XRN2: variants seen among roughly 807,000 people sequenced by gnomAD.
XRN2 encodes the protein 5'-3' exoribonuclease 2.
XRN2 carries 44 observed loss-of-function variants against 138.5 expected under a neutral mutation model. The observed-to-expected ratio is 0.32, with a 90% CI of 0.25 to 0.41. The LOEUF is 0.41. XRN2 is among the 10% of genes least tolerant of loss of function. The pLI is 1.00. For synonymous variants in XRN2, 354 were observed against 369.4 expected (o/e 0.96, Z 0.48); for missense variants, 937 against 1,169.3 (o/e 0.80, Z 2.90).
chr20:21,320,018 T>A (rs2038015392), intron 1 of XRN2, among the ~76,000 whole-genome samples: 1 of 152,174 alleles, frequency 6.6e-6, no homozygotes, highest in Admixed American at 6.5e-5. Flanking sequence ...AGTCACTTGC[T>A]TTAGTAACTT....
intron 1 of XRN2, among the ~76,000 whole-genome samples, chr20:21,304,380 T>C (rs2037785824): frequency 1.3e-5 from 2 of 152,002 alleles, no homozygotes; most frequent in Admixed American, 6.6e-5. Context: ...TCTTGGCTTC[T>C]ATCCAAGGAG....
At chr20:21,346,681 G>A (rs763401758) in intron 17 of XRN2, 131 bp downstream of exon 17, 33 of 1,137,198 alleles carry the variant, frequency 2.9e-5, no homozygotes, top group Non-Finnish European at 3.7e-5. Context: ...GGGCAATGGC[G>A]TGATCTCAAC....
intron 24 of XRN2, among the ~76,000 whole-genome samples, chr20:21,359,011 C>T (rs1361041266): frequency 6.6e-6 from 1 of 152,174 alleles, no homozygotes; most frequent in Admixed American, 6.5e-5. Context: ...GCTTGTGCTT[C>T]TCAATTTTTC....
intron 27 of XRN2, among the ~76,000 whole-genome samples, chr20:21,369,780 A>G (rs568269499): frequency 2.0e-5 from 3 of 152,114 alleles, no homozygotes; most frequent in Admixed American, 1.3e-4. Context: ...ACTCTTGTCA[A>G]ATGGATAGTT....
chr20:21,371,293 C>T (rs1473276732), intron 27 of XRN2, among the ~76,000 whole-genome samples: 4 of 152,174 alleles, frequency 2.6e-5, no homozygotes, highest in African/African-American at 7.2e-5. Context: ...TCAGGGCCCT[C>T]TGTTTTTAGT....
intron 27 of XRN2, among the ~76,000 whole-genome samples, chr20:21,378,541 A>G (rs1399815154): frequency 6.6e-6 from 1 of 152,212 alleles, no homozygotes; most frequent in African/African-American, 2.4e-5. Context: ...GGATAAGAAT[A>G]TTTACCTGAC....
intron 14 of XRN2, 42 bp from the exon 15 acceptor site, chr20:21,340,679 G>T: frequency 6.3e-7 from 1 of 1,598,174 alleles, no homozygotes; most frequent in Admixed American, 1.7e-5. Context: ...TAACTGTGTT[G>T]TGATTTAATT....
chr20:21,375,908 G>A (rs987229901), intron 27 of XRN2, among the ~76,000 whole-genome samples: 14 of 151,392 alleles, frequency 9.2e-5, no homozygotes, highest in Non-Finnish European at 1.8e-4. Context: ...GCGCAATCTC[G>A]GCTCACTGCA....
At chr20:21,378,173 C>T (rs2038846614) in intron 27 of XRN2, among the ~76,000 whole-genome samples, 1 of 152,178 alleles carries the variant, frequency 6.6e-6, no homozygotes, top group Non-Finnish European at 1.5e-5. Context: ...TAGATGCTTA[C>T]AACTAAAATG....
At chr20:21,329,355 A>C (rs571625331) in intron 4 of XRN2, among the ~76,000 whole-genome samples, 1 of 152,284 alleles carries the variant, frequency 6.6e-6, no homozygotes, top group East Asian at 1.9e-4. Context: ...GTTCTCTCCT[A>C]CCACACCTGT....
chr20:21,331,957 T>G, intron 8 of XRN2, 139 bp downstream of exon 8: 4 of 919,524 alleles, frequency 4.4e-6, no homozygotes, highest in Non-Finnish European at 6.8e-6. Context: ...AGGGAACTAG[T>G]ATTGAGTTGC....
At chr20:21,320,620 G>A (rs1038822967) in intron 1 of XRN2, among the ~76,000 whole-genome samples, 1 of 150,090 alleles carries the variant, frequency 6.7e-6, no homozygotes. Flanking sequence ...TTTTTGAGAT[G>A]GAGTCTTGCT....
In XRN2 at chr20:21,368,091, T is replaced by C. The variant is rs187077141; in HGVS notation, c.2457-372T>C. Among the ~76,000 whole-genome samples the C allele has an allele frequency of 3.7e-3, 557 of 152,308 alleles. 2 individuals carry two copies. Among genetic ancestry groups the C allele is most frequent in the Non-Finnish European group, 6.0e-3 (410 of 68,022 alleles). ...AAAAGATACAGGCAAGTATTTGATATAGTAAATTAAAAATAGCAAGATGTA... is the reference window on the plus strand; with the variant it reads ...AAAAGATACAGGCAAGTATTTGATACAGTAAATTAAAAATAGCAAGATGTA... On this transcript the variant is annotated intron_variant, in intron 26 of 29. Transcript: ENST00000377191.
intron 1 of XRN2, 115 bp from the exon 2 acceptor site, chr20:21,326,164 A>T: frequency 9.9e-7 from 1 of 1,011,090 alleles, no homozygotes. Context: ...TTTAAAGGTT[A>T]CTTGAAGTGT....
At chr20:21,377,461 TG>T (rs1405390155) in intron 27 of XRN2, among the ~76,000 whole-genome samples, 2 of 151,888 alleles carry the variant, frequency 1.3e-5, no homozygotes, top group African/African-American at 4.8e-5. Flanking sequence ...TTTGCCATAT[TG>T]GCCAGGCTGG....
chr20:21,373,046 TC>T (rs1260349844), intron 27 of XRN2, among the ~76,000 whole-genome samples: 1 of 152,128 alleles, frequency 6.6e-6, no homozygotes, highest in African/African-American at 2.4e-5. Context: ...GGGGTCTTGC[TC>T]TGTTGCCCAG....
intron 16 of XRN2, among the ~76,000 whole-genome samples, chr20:21,345,295 T>C (rs965888188): frequency 6.6e-6 from 1 of 152,214 alleles, no homozygotes; most frequent in Non-Finnish European, 1.5e-5. Flanking sequence ...AATCATTGTT[T>C]AATCCTAGAG....
intron 15 of XRN2, among the ~76,000 whole-genome samples, chr20:21,342,484 A>G (rs2038384780): frequency 6.6e-6 from 1 of 152,206 alleles, no homozygotes; most frequent in Non-Finnish European, 1.5e-5. Flanking sequence ...TTTTCTAGAA[A>G]GTATATTATT....
chr20:21,348,458 G>T (rs1185541251), intron 19 of XRN2, 28 bp downstream of exon 19: 2 of 1,589,824 alleles, frequency 1.3e-6, no homozygotes, highest in East Asian at 2.2e-5. Flanking sequence ...GAGTGTGTGG[G>T]TGACAGGATT....
Sources: allele counts gnomAD v4.1 joint callset (sites outside exome capture counted in the v4.1 genomes callset), GRCh38; gene constraint gnomAD v4.1.1; transcripts MANE v1.5; gene names NCBI Gene and HGNC (gene_info 2026-07-23, HGNC 2026-07-21).